The following SMC2 variants were observed in gnomAD, a reference collection of about 807,000 sequenced individuals.
The protein encoded by SMC2 is structural maintenance of chromosomes 2, also known as structural maintenance of chromosomes protein 2.
A neutral mutation model predicts 142.6 loss-of-function variants in SMC2; 41 were observed. The observed-to-expected ratio is 0.29, with a 90% CI of 0.22 to 0.37. The LOEUF (loss-of-function observed/expected upper bound fraction) is 0.37, where lower values mean the gene tolerates loss of function less well. Among genes scored for constraint, SMC2 ranks in the 10% least tolerant of loss-of-function variants. SMC2 has a pLI of 1.00. For missense variants in SMC2, 1,265 were observed against 1,373.7 expected, an observed-to-expected ratio of 0.92 and a Z score of 1.25; for synonymous variants, 463 against 457.5, an observed-to-expected ratio of 1.01 and a Z score of -0.15.
Position 104,139,384 on chromosome 9 carries a change from A to G in SMC2, c.*69A>G, listed in dbSNP as rs1835878051. On this transcript the variant is annotated 3_prime_UTR_variant, in exon 25 of 25. Transcript: ENST00000374793. Reference sequence around the variant, plus strand: ...AAACTTTTAAGGACTTGAGATAACTAATTTGTTTATATACAAAAATTAATG... The same window carrying G: ...AAACTTTTAAGGACTTGAGATAACTGATTTGTTTATATACAAAAATTAATG... 1 of 1,280,188 alleles carries G rather than the reference A, an allele frequency of 7.8e-7. No homozygotes were observed. Among genetic ancestry groups the G allele is most frequent in the Non-Finnish European group, 1.1e-6 (1 of 929,226 alleles). The allele number at this position is 1,280,188 out of a possible 1,614,324, so 79.3% of individuals were successfully genotyped here.
At chr9:104,090,199 G>A (rs113296827), upstream of SMC2, among the ~76,000 whole-genome samples, 1 of 152,034 alleles carries the variant, frequency 6.6e-6, no homozygotes, top group African/African-American at 2.4e-5. Context: ...ATATACAACC[G>A]TAAAAACAAA....
intron 1 of SMC2, 64 bp from the exon 2 acceptor site, chr9:104,095,260 C>T: frequency 4.1e-6 from 3 of 735,358 alleles, no homozygotes; most frequent in South Asian, 1.8e-5. Flanking sequence ...CTGTTTTTGC[C>T]TCGTGTTCAT....
intron 11 of SMC2, 98 bp from the exon 12 acceptor site, chr9:104,113,866 T>A: frequency 1.4e-6 from 1 of 705,142 alleles, no homozygotes; most frequent in Non-Finnish European, 2.3e-6. Context: ...ATTTGTATTT[T>A]TTGCATGCTT....
rs1334176020 is a variant in SMC2 at position 104,134,463 on chromosome 9, A to G, written c.3157A>G (p.Asn1053Asp). ...SIFSTLLPGA[N>D]AMLAPPEGQT... The stretch of plus-strand genomic sequence containing the variant: ...TTTTTCTACTCTTTTGCCTGGTGCT[A>G]ATGCTATGCTTGCACCACCAGAGGG... Residue 1053 changes from asparagine (N) to aspartate (D), a missense_variant, in exon 23 of 25, where the codon AAT becomes GAT. This residue lies in a region of SMC2 where 192 missense variants were observed against 261.9 expected (regional missense o/e 0.73). Transcript: ENST00000374793. 15 of 1,612,410 alleles carry G rather than the reference A, an allele frequency of 9.3e-6. No individual in the cohort carries two copies. The highest frequency in any genetic ancestry group is 1.2e-5 in the Non-Finnish European group (14 of 1,179,056).
chr9:104,091,031 C>G (rs1305999495), upstream of SMC2, among the ~76,000 whole-genome samples: 1 of 152,172 alleles, frequency 6.6e-6, no homozygotes, highest in African/African-American at 2.4e-5. Flanking sequence ...ATAATAACCT[C>G]CTTTTCTATT....
At chr9:104,118,512 C>A in intron 15 of SMC2, 137 bp downstream of exon 15, 1 of 679,730 alleles carries the variant, frequency 1.5e-6, no homozygotes, top group Non-Finnish European at 2.4e-6. Context: ...GCCAGTGCCA[C>A]CTACCTCCTG....
rs59646608 is a variant in SMC2, at chr9:104,097,508, G to GAAA, written c.319-922_319-920dup. ...TCTATTTTAATGGAAGCCTCTGGTT[G>GAAA]AAAAAAAAAAAAAAAAAAGAAGCGT... On this transcript the variant is annotated intron_variant, in intron 3 of 24. Transcript: ENST00000374793. Among the ~76,000 whole-genome samples the GAAA allele has an allele frequency of 4.5e-3, 548 of 121,842 alleles. 5 individuals are homozygous for GAAA. Among genetic ancestry groups the GAAA allele is most frequent in the Middle Eastern group, 0.014 (3 of 220 alleles). 79.9% of individuals were successfully genotyped at this position (121,842 alleles called of 152,430 possible).
chr9:104,124,712 G>T (rs1418532010), intron 17 of SMC2, among the ~76,000 whole-genome samples, 200 bp from the exon 18 acceptor site: 1 of 151,660 alleles, frequency 6.6e-6, no homozygotes, highest in African/African-American at 2.4e-5. Flanking sequence ...AAATTATTTT[G>T]TTACAGATCT....
intron 23 of SMC2, among the ~76,000 whole-genome samples, chr9:104,136,755 C>CTT (rs755408895): frequency 2.0e-4 from 24 of 119,838 alleles, no homozygotes; most frequent in African/African-American, 5.0e-4. Context: ...CTGTTTTATT[C>CTT]TTTTTTTTTT....
In SMC2 at chr9:104,140,805, T is replaced by A. The variant is rs1003395195; in HGVS notation, c.*1490T>A. The A allele has an allele frequency of 2.0e-5, 3 of 152,476 alleles. No individual in the cohort carries two copies. Among genetic ancestry groups the A allele is most frequent in the African/African-American group, 7.2e-5 (3 of 41,458 alleles). 9.4% of individuals were successfully genotyped at this position (152,476 alleles called of 1,614,324 possible). On this transcript the variant is annotated 3_prime_UTR_variant, in exon 25 of 25. Coordinates refer to ENST00000374793, the MANE Select transcript of SMC2 (RefSeq NM_006444.3). ...ACACTGTCAATATTAAAGTATACCA[T>A]AGTATACAAATTAGTCAGTACTTGC...
rs749874425 is a variant in SMC2, at chr9:104,113,309, G to T, written c.1255-7G>T. On this transcript the variant is annotated splice_region_variant and splice_polypyrimidine_tract_variant and intron_variant, in intron 10 of 24. Transcript: ENST00000374793. ...ATCCTATGGTCTGTTGCATTTTTCTGCCACAGGCTCAGATGAAGTTGAAGC... is the reference window on the plus strand; with the variant it reads ...ATCCTATGGTCTGTTGCATTTTTCTTCCACAGGCTCAGATGAAGTTGAAGC... 15 of 1,594,922 alleles carry T rather than the reference G, an allele frequency of 9.4e-6. No homozygotes were observed. The South Asian group carries it at 1.1e-4, about 12-fold the overall frequency.
At position 104,140,608 on chromosome 9, in the gene SMC2, T is replaced by C. The variant is rs534764775; in HGVS notation, c.*1293T>C. The stretch of plus-strand genomic sequence containing the variant: ...GAGATGTCAGAAAACATGCAGTAAT[T>C]GATATTATGGGACACATTGGAAAGG... On this transcript the variant is annotated 3_prime_UTR_variant, in exon 25 of 25. Coordinates refer to ENST00000374793, the MANE Select transcript of SMC2 (RefSeq NM_006444.3). The C allele has an allele frequency of 1.3e-5, 2 of 152,698 alleles. No individual in the cohort carries two copies. The highest frequency in any genetic ancestry group is 4.1e-4 in the South Asian group (2 of 4,820). The allele number at this position is 152,698 out of a possible 1,614,324, so 9.5% of individuals were successfully genotyped here.
At chr9:104,126,575 C>A in intron 18 of SMC2, 66 bp from the exon 19 acceptor site, 1 of 1,182,336 alleles carries the variant, frequency 8.5e-7, no homozygotes, top group South Asian at 1.4e-5. Flanking sequence ...TTTAATTGTT[C>A]TGTACATATT....
rs778266108 is a variant in SMC2 at position 104,139,313 on chromosome 9, TA to T, written c.*1del. 3 of 1,574,380 alleles carry T rather than the reference TA, an allele frequency of 1.9e-6. No individual in the cohort carries two copies. In the South Asian group the frequency reaches 3.6e-5, roughly 19 times the overall value. On this transcript the variant is annotated frameshift_variant and stop_lost, in exon 25 of 25. Coordinates refer to ENST00000374793, the MANE Select transcript of SMC2 (RefSeq NM_006444.3). LOFTEE classifies it high-confidence loss of function. ...KPPKGAHVEV[*>X] Reference sequence around the variant, plus strand: ...ACCCAAAGGAGCACATGTGGAAGTTTAAACTACAAAGTTATTTCTTCATCTT... The same window carrying T: ...ACCCAAAGGAGCACATGTGGAAGTTTAACTACAAAGTTATTTCTTCATCTT...
At chr9:104,112,920 G>A (rs1832650610) in intron 10 of SMC2, among the ~76,000 whole-genome samples, 1 of 151,998 alleles carries the variant, frequency 6.6e-6, no homozygotes, top group Non-Finnish European at 1.5e-5. Flanking sequence ...TTATTAGATA[G>A]CACTCACAAA....
chr9:104,137,297 G>A (rs1489458003), intron 23 of SMC2, among the ~76,000 whole-genome samples: 1 of 151,842 alleles, frequency 6.6e-6, no homozygotes, highest in African/African-American at 2.4e-5. Flanking sequence ...TTAAAATAAG[G>A]CTTTTTATGA....
upstream of SMC2, among the ~76,000 whole-genome samples, chr9:104,090,458 T>C (rs982612585): frequency 6.6e-6 from 1 of 151,976 alleles, no homozygotes; most frequent in Non-Finnish European, 1.5e-5. Flanking sequence ...AAAGGCAATC[T>C]ACTAGTTTGG....
intron 19 of SMC2, 120 bp downstream of exon 19, chr9:104,126,904 G>A: frequency 1.0e-6 from 1 of 1,000,042 alleles, no homozygotes; most frequent in Non-Finnish European, 1.4e-6. Context: ...AGAGAATGAG[G>A]CACAAATAGC....
upstream of SMC2, among the ~76,000 whole-genome samples, chr9:104,091,023 A>T (rs1327510147): frequency 1.3e-5 from 2 of 152,328 alleles, no homozygotes; most frequent in East Asian, 3.9e-4. Flanking sequence ...GAATGAATAT[A>T]ATAACCTCCT....
Sources: gnomAD v4.1 joint callset for allele counts (sites outside exome capture counted in the v4.1 genomes callset) on GRCh38, gnomAD v4.1.1 for gene constraint, gnomAD v4.1.1 regional missense constraint, MANE v1.5 for transcripts, NCBI Gene and HGNC (gene_info 2026-07-23, HGNC 2026-07-21) for gene names.